The following UNC5C variants were observed in gnomAD, a reference collection of about 807,000 sequenced individuals.
UNC5C encodes netrin receptor UNC5C.
A neutral mutation model predicts 99.8 loss-of-function variants in UNC5C; 47 were observed. That is an observed-to-expected ratio of 0.47 (90% CI 0.37 to 0.60). The LOEUF (loss-of-function observed/expected upper bound fraction) is 0.60. Ranked by LOEUF, UNC5C falls within the 20% of genes least tolerant of loss-of-function variation. The pLI is 0.00. For synonymous variants in UNC5C, 487 were observed against 452.2 expected, an observed-to-expected ratio of 1.08 and a Z score of -0.98; for missense variants, 1,062 against 1,165.9, an observed-to-expected ratio of 0.91 and a Z score of 1.30.
In UNC5C at chr4:95,198,300, C is replaced by T. The variant is rs1467332583; in HGVS notation, c.2136+4431G>A. Among the ~76,000 whole-genome samples the T allele has an allele frequency of 5.9e-5, 9 of 152,086 alleles. No individual in the cohort carries two copies. The East Asian group carries it at 1.7e-3, about 29-fold the overall frequency. ...CACCGTGCCCAGTGAGGGAGCCTCT[C>T]CTTAAGAACAAAGGGTAGCTTCCAC... On this transcript the variant is annotated intron_variant, in intron 12 of 15. Transcript: ENST00000453304.
At chr4:95,195,308 T>A (rs1737334596) in intron 12 of UNC5C, among the ~76,000 whole-genome samples, 1 of 152,208 alleles carries the variant, frequency 6.6e-6, no homozygotes, top group Non-Finnish European at 1.5e-5. Context: ...CGAGCTTTGC[T>A]GCTGTACCAC....
At chr4:95,429,268 C>T (rs532014690) in intron 1 of UNC5C, among the ~76,000 whole-genome samples, 1 of 122,202 alleles carries the variant, frequency 8.2e-6, no homozygotes, top group East Asian at 2.3e-4. Flanking sequence ...TTAAATAATA[C>T]TTAGTGATTC....
intron 1 of UNC5C, among the ~76,000 whole-genome samples, chr4:95,493,272 C>T (rs1011114926): frequency 1.1e-4 from 16 of 151,196 alleles, no homozygotes; most frequent in African/African-American, 3.9e-4. Flanking sequence ...ATAAGGAATT[C>T]CAGGCCAGAA....
At chr4:95,216,545 AT>A (rs143150058) in intron 9 of UNC5C, among the ~76,000 whole-genome samples, 30 of 151,186 alleles carry the variant, frequency 2.0e-4, no homozygotes, top group Admixed American at 5.3e-4. Context: ...CATCATTTCC[AT>A]TTTTTTTTAA....
intron 1 of UNC5C, among the ~76,000 whole-genome samples, chr4:95,415,540 T>C (rs1172001300): frequency 2.6e-5 from 4 of 152,156 alleles, no homozygotes; most frequent in African/African-American, 9.7e-5. Flanking sequence ...TGATATTTAT[T>C]GAGGGTTGTT....
chr4:95,206,997 G>T (rs139096642), intron 10 of UNC5C, among the ~76,000 whole-genome samples: 77 of 151,620 alleles, frequency 5.1e-4, no homozygotes, highest in African/African-American at 1.8e-3. Context: ...TGCAGGACTG[G>T]AAGTCTTTAT....
intron 7 of UNC5C, among the ~76,000 whole-genome samples, chr4:95,239,636 A>G (rs1014819626): frequency 6.6e-6 from 1 of 151,828 alleles, no homozygotes; most frequent in African/African-American, 2.4e-5. Context: ...GATTTCTCTA[A>G]TTTCTTTCTT....
chr4:95,366,196 G>A (rs1403758474), intron 1 of UNC5C, among the ~76,000 whole-genome samples: 1 of 152,126 alleles, frequency 6.6e-6, no homozygotes, highest in Non-Finnish European at 1.5e-5. Flanking sequence ...GAGTGCACTG[G>A]TGTGCACCTG....
intron 4 of UNC5C, among the ~76,000 whole-genome samples, chr4:95,263,066 C>T (rs1490637299): frequency 4.6e-5 from 7 of 152,064 alleles, no homozygotes; most frequent in Non-Finnish European, 5.9e-5. Flanking sequence ...CCACCTGCCT[C>T]GGCCTCCCAA....
intron 1 of UNC5C, among the ~76,000 whole-genome samples, chr4:95,393,868 A>G (rs935345188): frequency 2.4e-5 from 3 of 127,458 alleles, no homozygotes; most frequent in African/African-American, 8.5e-5. Flanking sequence ...TTTTTTAAAA[A>G]AAAACAGATT....
chr4:95,359,847 C>A (rs1271205890), intron 1 of UNC5C, among the ~76,000 whole-genome samples: 1 of 152,074 alleles, frequency 6.6e-6, no homozygotes, highest in Non-Finnish European at 1.5e-5. Context: ...ACTTAAGAAG[C>A]ACTTACAATA....
intron 1 of UNC5C, among the ~76,000 whole-genome samples, chr4:95,377,851 A>G (rs1355162333): frequency 2.0e-5 from 3 of 152,194 alleles, no homozygotes; most frequent in Non-Finnish European, 4.4e-5. Context: ...AACTTTTAAA[A>G]GAGTTAGACA....
intron 14 of UNC5C, among the ~76,000 whole-genome samples, chr4:95,171,307 C>T (rs575947275): frequency 9.3e-5 from 14 of 151,164 alleles, no homozygotes; most frequent in Middle Eastern, 6.8e-3. Context: ...TATGTATACA[C>T]GTGCCATGCT....
At chr4:95,356,508 T>A (rs1032649755) in intron 1 of UNC5C, among the ~76,000 whole-genome samples, 6 of 152,186 alleles carry the variant, frequency 3.9e-5, no homozygotes, top group Non-Finnish European at 8.8e-5. Flanking sequence ...CATAATGATC[T>A]TTTGCCTTTT....
chr4:95,511,931 C>T (rs1182678266), intron 1 of UNC5C, among the ~76,000 whole-genome samples: 1 of 152,108 alleles, frequency 6.6e-6, no homozygotes, highest in Non-Finnish European at 1.5e-5. Context: ...AAGAAGGTTG[C>T]TTTGTTCAGA....
intron 2 of UNC5C, among the ~76,000 whole-genome samples, chr4:95,313,064 A>C (rs1166617745): frequency 6.6e-6 from 1 of 152,144 alleles, no homozygotes; most frequent in African/African-American, 2.4e-5. Flanking sequence ...GGAATATTTG[A>C]GATTGACACT....
intron 4 of UNC5C, among the ~76,000 whole-genome samples, chr4:95,258,928 A>AT (rs528743195): frequency 1.8e-4 from 26 of 147,394 alleles, no homozygotes; most frequent in African/African-American, 2.3e-4. Flanking sequence ...CGCCCGGCTA[A>AT]TTTTTTGTAT....
chr4:95,494,727 TA>T (rs1721584678), intron 1 of UNC5C, among the ~76,000 whole-genome samples: 1 of 151,504 alleles, frequency 6.6e-6, no homozygotes, highest in African/African-American at 2.4e-5. Flanking sequence ...AACATTTAAA[TA>T]TACAATTTAA....
intron 12 of UNC5C, among the ~76,000 whole-genome samples, chr4:95,188,484 C>G (rs1736924606): frequency 6.6e-6 from 1 of 152,172 alleles, no homozygotes; most frequent in South Asian, 2.1e-4. Context: ...AGTTTTGTGT[C>G]AGATGATAGA....
Sources: allele counts gnomAD v4.1 joint callset (sites outside exome capture counted in the v4.1 genomes callset), GRCh38; gene constraint gnomAD v4.1.1; transcripts MANE v1.5; gene names NCBI Gene and HGNC (gene_info 2026-07-23, HGNC 2026-07-21).